The following ATP8B4 variants were observed in gnomAD, a reference collection of about 807,000 sequenced individuals.
ATP8B4 encodes probable phospholipid-transporting ATPase IM.
In ATP8B4, 133 loss-of-function variants were observed where a neutral mutation model predicts 145.6. The ratio of observed to expected loss-of-function variants is 0.91; its 90% CI spans 0.79 to 1.05. The LOEUF (loss-of-function observed/expected upper bound fraction) is 1.05. Among genes scored for constraint, ATP8B4 ranks in the 50% least tolerant of loss-of-function variants. ATP8B4 has a pLI of 0.00. For synonymous variants in ATP8B4, 507 were observed against 492.9 expected (o/e 1.03, Z -0.38); for missense variants, 1,458 against 1,425.2 (o/e 1.02, Z -0.37).
chr15:49,953,341 G>A (rs1339171637), intron 14 of ATP8B4, among the ~76,000 whole-genome samples: 1 of 152,184 alleles, frequency 6.6e-6, no homozygotes, highest in African/African-American at 2.4e-5. Context: ...CGCAGAGACT[G>A]CGGCCACCCC....
intron 2 of ATP8B4, among the ~76,000 whole-genome samples, chr15:50,103,371 G>C (rs568984684): frequency 2.0e-5 from 3 of 152,178 alleles, no homozygotes; most frequent in Non-Finnish European, 2.9e-5. Context: ...AAAGCTCCTA[G>C]AAACGGTAAA....
intron 1 of ATP8B4, among the ~76,000 whole-genome samples, chr15:50,172,645 T>G (rs2044695346): frequency 6.7e-6 from 1 of 148,666 alleles, no homozygotes; most frequent in Admixed American, 6.7e-5. Flanking sequence ...GGCCACCCAG[T>G]CTGGGAAGTG....
At chr15:49,986,129 A>C (rs1018192449) in intron 10 of ATP8B4, among the ~76,000 whole-genome samples, 15 of 152,300 alleles carry the variant, frequency 9.8e-5, no homozygotes, top group African/African-American at 3.4e-4. Flanking sequence ...TTGGCCTCTC[A>C]GCGGTTCACA....
intron 1 of ATP8B4, among the ~76,000 whole-genome samples, chr15:50,147,748 AGT>A (rs1213684683): frequency 6.6e-6 from 1 of 152,162 alleles, no homozygotes; most frequent in Non-Finnish European, 1.5e-5. Context: ...AAAATTGCTG[AGT>A]CTATACCCAA....
intron 3 of ATP8B4, among the ~76,000 whole-genome samples, chr15:50,064,741 T>C (rs1249412148): frequency 6.6e-6 from 1 of 152,206 alleles, no homozygotes; most frequent in Non-Finnish European, 1.5e-5. Context: ...TTCTGCAGGC[T>C]GTACACAAAG....
chr15:50,179,392 A>T (rs952297718), intron 1 of ATP8B4, among the ~76,000 whole-genome samples: 6 of 152,134 alleles, frequency 3.9e-5, no homozygotes, highest in African/African-American at 1.4e-4. Flanking sequence ...CATCTGGTCA[A>T]CTCTAGGCCA....
chr15:50,048,631 C>G (rs2051916851), intron 3 of ATP8B4, among the ~76,000 whole-genome samples: 1 of 151,754 alleles, frequency 6.6e-6, no homozygotes, highest in Non-Finnish European at 1.5e-5. Flanking sequence ...TCGCTTGAAC[C>G]CAGGAAGCGG....
At chr15:49,943,779 T>A (rs772491121) in intron 14 of ATP8B4, among the ~76,000 whole-genome samples, 43 of 152,256 alleles carry the variant, frequency 2.8e-4, no homozygotes, top group Non-Finnish European at 4.9e-4. Flanking sequence ...TGAAAAAATA[T>A]GAAAGTCATT....
intron 1 of ATP8B4, among the ~76,000 whole-genome samples, chr15:50,168,929 C>T (rs1455726368): frequency 6.6e-6 from 1 of 152,156 alleles, no homozygotes; most frequent in Non-Finnish European, 1.5e-5. Context: ...TCCCTGACAA[C>T]CTGCATGACT....
intron 2 of ATP8B4, among the ~76,000 whole-genome samples, chr15:50,079,125 T>C (rs2054377979): frequency 6.6e-6 from 1 of 152,212 alleles, no homozygotes; most frequent in Non-Finnish European, 1.5e-5. Context: ...AGGGGATGGA[T>C]ACCCCATTTT....
intron 13 of ATP8B4, among the ~76,000 whole-genome samples, chr15:49,969,508 A>G (rs1599511946): frequency 6.6e-6 from 1 of 152,242 alleles, no homozygotes; most frequent in East Asian, 1.9e-4. Context: ...CTATGCAAAT[A>G]AACTAGAAAA....
chr15:49,884,613 GAA>G (rs60012082), intron 23 of ATP8B4, among the ~76,000 whole-genome samples: 182 of 117,674 alleles, frequency 1.5e-3, no homozygotes, highest in Middle Eastern at 0.015. Flanking sequence ...CAAAAAAAAA[GAA>G]AAAAAAAAAA....
intron 2 of ATP8B4, among the ~76,000 whole-genome samples, chr15:50,087,149 T>C (rs2055224353): frequency 1.6e-5 from 2 of 127,446 alleles, no homozygotes; most frequent in South Asian, 4.6e-4. Context: ...ATTTATTATA[T>C]ATAATATATA....
intron 2 of ATP8B4, among the ~76,000 whole-genome samples, chr15:50,094,700 A>G (rs28699578): frequency 8.2e-5 from 10 of 121,814 alleles, no homozygotes; most frequent in Non-Finnish European, 9.0e-5. Context: ...GTGTGTGTGT[A>G]TATATATACT....
Position 49,898,219 on chromosome 15 carries a change from A to T in ATP8B4, c.2322T>A (p.Asp774Glu). The change falls in exon 22 of 28, where the codon GAT (aspartate) becomes GAA (glutamate). Residue 774 changes from aspartate to glutamate, a missense_variant. By Grantham distance (45) the Asp-to-Glu change is conservative. Transcript: ENST00000284509. The stretch of plus-strand genomic sequence containing the variant: ...TACACATGCAAGCAAGTTCTAGGAG[A>T]TCATTCTTGACATCACTTTCTAGGG... Reference protein sequence around the residue: ...AHALESDVKNDLLELACMCKT... With the variant: ...AHALESDVKNELLELACMCKT... The T allele has an allele frequency of 6.2e-7, 1 of 1,613,728 alleles. No homozygotes were observed. The highest frequency in any genetic ancestry group is 8.5e-7 in the Non-Finnish European group (1 of 1,179,774).
intron 14 of ATP8B4, among the ~76,000 whole-genome samples, chr15:49,944,111 G>A (rs960422812): frequency 5.9e-5 from 9 of 151,978 alleles, no homozygotes; most frequent in East Asian, 1.9e-4. Context: ...ATCTTAATAC[G>A]AAAGACTGAC....
intron 24 of ATP8B4, chr15:49,876,752 G>A: frequency 1.4e-6 from 1 of 698,930 alleles, no homozygotes; most frequent in Admixed American, 2.1e-5. Context: ...AGAGATTCAT[G>A]AGAGGTCACA....
chr15:50,137,952 CTTAA>C (rs1030284896), intron 1 of ATP8B4, among the ~76,000 whole-genome samples: 8 of 152,198 alleles, frequency 5.3e-5, no homozygotes, highest in African/African-American at 1.9e-4. Context: ...CACTTACCAA[CTTAA>C]TTGTCAATAT....
chr15:50,058,843 G>GT (rs140088442), intron 3 of ATP8B4, among the ~76,000 whole-genome samples: 1,740 of 147,640 alleles, frequency 0.012, 34 homozygotes, highest in African/African-American at 0.035. Context: ...TGGCTTTGTG[G>GT]TTTTTTTTTT....
Sources: gnomAD v4.1 joint callset for allele counts (sites outside exome capture counted in the v4.1 genomes callset) on GRCh38, gnomAD v4.1.1 for gene constraint, MANE v1.5 for transcripts, NCBI Gene and HGNC (gene_info 2026-07-23, HGNC 2026-07-21) for gene names.